Variants in KCNIP4 observed in about 807,000 individuals in gnomAD.
The protein encoded by KCNIP4 is potassium voltage-gated channel interacting protein 4, also known as Kv channel-interacting protein 4.
KCNIP4 carries 12 observed loss-of-function variants against 34.0 expected under a neutral mutation model. That is an observed-to-expected ratio of 0.35 (90% CI 0.23 to 0.57). The LOEUF (loss-of-function observed/expected upper bound fraction) is 0.57. KCNIP4 is among the 20% of genes least tolerant of loss of function. The pLI is 0.83. For synonymous variants in KCNIP4, 124 were observed against 102.2 expected (o/e 1.21, Z -1.29); for missense variants, 238 against 311.7 (o/e 0.76, Z 1.78).
chr4:21,489,410 A>G (rs1021579885), intron 1 of KCNIP4, among the ~76,000 whole-genome samples: 2 of 151,992 alleles, frequency 1.3e-5, no homozygotes, highest in African/African-American at 2.4e-5. Context: ...GAGTTCTCCA[A>G]TGACTTTTCA....
chr4:21,608,248 T>G (rs1396694966), intron 1 of KCNIP4, among the ~76,000 whole-genome samples: 2 of 152,158 alleles, frequency 1.3e-5, no homozygotes, highest in East Asian at 3.9e-4. Flanking sequence ...AGTCCAGTGG[T>G]CACTGCCACG....
Position 21,129,741 on chromosome 4 carries a change from A to C in KCNIP4, c.62-247032T>G, listed in dbSNP as rs1750917620. ...TTTTCTCACTTTATAATATAGATAG[A>C]CAGAAAACTTGGGTCATTTTAAATG... On this transcript the variant is annotated intron_variant, in intron 1 of 8. Coordinates refer to ENST00000382152, the MANE Select transcript of KCNIP4 (RefSeq NM_025221.6). Among the ~76,000 whole-genome samples, 3 of 152,152 alleles carry C rather than the reference A, an allele frequency of 2.0e-5. No individual in the cohort carries two copies. The South Asian group carries it at 6.2e-4, about 32-fold the overall frequency.
chr4:20,858,133 C>T (rs1026496606), intron 2 of KCNIP4, among the ~76,000 whole-genome samples: 5 of 146,536 alleles, frequency 3.4e-5, no homozygotes, highest in Non-Finnish European at 7.4e-5. Flanking sequence ...ATTGCTTGAA[C>T]CCAGGAGGCA....
chr4:20,826,726 G>A (rs1266904075), intron 3 of KCNIP4, among the ~76,000 whole-genome samples: 2 of 152,134 alleles, frequency 1.3e-5, no homozygotes, highest in African/African-American at 2.4e-5. Flanking sequence ...TTTGTAATGA[G>A]AGCCTGGAAG....
intron 3 of KCNIP4, among the ~76,000 whole-genome samples, chr4:20,759,476 G>T (rs978604936): frequency 4.6e-5 from 7 of 152,254 alleles, no homozygotes; most frequent in African/African-American, 9.6e-5. Flanking sequence ...AGTCTGCAAA[G>T]AAATGGCCTG....
chr4:21,180,500 T>C (rs772947335), intron 1 of KCNIP4, among the ~76,000 whole-genome samples: 9 of 151,884 alleles, frequency 5.9e-5, no homozygotes, highest in Non-Finnish European at 1.3e-4. Flanking sequence ...AAAATAAGAA[T>C]CACACATATA....
chr4:21,407,231 T>A (rs1242257959), intron 1 of KCNIP4, among the ~76,000 whole-genome samples: 3 of 151,526 alleles, frequency 2.0e-5, no homozygotes, highest in Non-Finnish European at 4.4e-5. Flanking sequence ...TAGAGAACTT[T>A]CCCCCACAGA....
intron 1 of KCNIP4, among the ~76,000 whole-genome samples, chr4:21,726,139 G>C (rs1715175016): frequency 6.6e-6 from 1 of 152,116 alleles, no homozygotes; most frequent in African/African-American, 2.4e-5. Context: ...CATTAATTTT[G>C]ATGCTTAGCT....
intron 1 of KCNIP4, among the ~76,000 whole-genome samples, chr4:21,095,168 A>G (rs1030703): frequency 0.16 from 24,170 of 152,098 alleles, 1,999 homozygotes; most frequent in East Asian, 0.23. Flanking sequence ...TTGAAAAGTA[A>G]AATGTGCACA....
At chr4:21,834,160 T>C (rs1278052604) in intron 1 of KCNIP4, among the ~76,000 whole-genome samples, 2 of 152,198 alleles carry the variant, frequency 1.3e-5, no homozygotes, top group South Asian at 2.1e-4. Flanking sequence ...GGGATGGCAT[T>C]GAATCTGTAA....
chr4:20,752,054 A>ATT (rs1375861437), intron 4 of KCNIP4, among the ~76,000 whole-genome samples: 1 of 80,834 alleles, frequency 1.2e-5, no homozygotes, highest in African/African-American at 5.4e-5. Flanking sequence ...TACTTCATAG[A>ATT]GTTTTTTTTT....
chr4:20,917,482 A>G (rs1728965417), intron 1 of KCNIP4, among the ~76,000 whole-genome samples: 1 of 152,210 alleles, frequency 6.6e-6, no homozygotes, highest in African/African-American at 2.4e-5. Flanking sequence ...GCAAGACCAG[A>G]CGTGGTCCTG....
At chr4:21,318,253 A>G (rs1399597238) in intron 1 of KCNIP4, among the ~76,000 whole-genome samples, 1 of 152,226 alleles carries the variant, frequency 6.6e-6, no homozygotes, top group Non-Finnish European at 1.5e-5. Context: ...TTTGCTAGGG[A>G]AAAAGATTGA....
intron 1 of KCNIP4, among the ~76,000 whole-genome samples, chr4:20,971,327 GTTGATTTAAAAGGACAAGTATA>G (rs1263554806): frequency 3.3e-5 from 5 of 152,126 alleles, no homozygotes; most frequent in Non-Finnish European, 5.9e-5. Context: ...TAAAAAGCAT[GTTGATTTAAAAGGACAAGTATA>G]TTGATTTAAA....
intron 3 of KCNIP4, among the ~76,000 whole-genome samples, chr4:20,838,257 C>A (rs1372714471): frequency 1.3e-5 from 2 of 152,142 alleles, no homozygotes; most frequent in African/African-American, 4.8e-5. Context: ...AGTACTATTT[C>A]TAAATGCTGG....
At chr4:21,613,009 C>T (rs1744283967) in intron 1 of KCNIP4, among the ~76,000 whole-genome samples, 1 of 152,098 alleles carries the variant, frequency 6.6e-6, no homozygotes, top group Admixed American at 6.5e-5. Flanking sequence ...GAGAAAAAGG[C>T]CCTGTTCATA....
chr4:21,053,207 C>T (rs944798163), intron 1 of KCNIP4, among the ~76,000 whole-genome samples: 9 of 152,116 alleles, frequency 5.9e-5, no homozygotes, highest in Non-Finnish European at 2.9e-5. Flanking sequence ...TCTCTATTCT[C>T]ACTGATTTCA....
intron 1 of KCNIP4, among the ~76,000 whole-genome samples, chr4:20,922,559 A>ATCTATCTC (rs1560572661): frequency 9.0e-6 from 1 of 111,082 alleles, no homozygotes; most frequent in Non-Finnish European, 2.0e-5. Flanking sequence ...CTATCTATCT[A>ATCTATCTC]TCTATCTATC....
intron 1 of KCNIP4, among the ~76,000 whole-genome samples, chr4:21,258,437 T>C (rs1455660373): frequency 6.6e-6 from 1 of 152,188 alleles, no homozygotes; most frequent in East Asian, 1.9e-4. Flanking sequence ...CCCCGACCTT[T>C]TCTTTAATTG....
Sources: allele counts gnomAD v4.1 joint callset (sites outside exome capture counted in the v4.1 genomes callset), GRCh38; gene constraint gnomAD v4.1.1; transcripts MANE v1.5; gene names NCBI Gene and HGNC (gene_info 2026-07-23, HGNC 2026-07-21).